The following ID2 variants were observed in gnomAD, a reference collection of about 807,000 sequenced individuals.
The protein encoded by ID2 is DNA-binding protein inhibitor ID-2.
ID2 carries 2 observed loss-of-function variants against 8.3 expected under a neutral mutation model. The ratio of observed to expected loss-of-function variants is 0.24; its 90% CI spans 0.10 to 0.76. The LOEUF is 0.76. ID2 is among the 30% of genes least tolerant of loss of function. The pLI, the probability that ID2 is intolerant of heterozygous loss-of-function variation, is 0.73. For synonymous variants in ID2, 112 were observed against 72.3 expected (o/e 1.55, Z -2.79); for missense variants, 155 against 167.0 (o/e 0.93, Z 0.40).
chr2:8,682,138 C>A lies in ID2; in HGVS notation c.-28C>A. 1 of 1,587,206 alleles carries A rather than the reference C, an allele frequency of 6.3e-7. No homozygotes were observed. Among genetic ancestry groups the A allele is most frequent in the South Asian group, 1.1e-5 (1 of 90,346 alleles). On this transcript the variant is annotated 5_prime_UTR_variant, in exon 1 of 3. Coordinates refer to ENST00000396290, the MANE Select transcript of ID2 (RefSeq NM_002166.5). ...TGAGCTTCAGGGCAGCCAGCTCCCTCCCGGTCTCGCCTTCCCTCGCGGTCA... is the reference window on the plus strand; with the variant it reads ...TGAGCTTCAGGGCAGCCAGCTCCCTACCGGTCTCGCCTTCCCTCGCGGTCA...
Position 8,684,372 on chromosome 2 carries a change from A to G in ID2, c.*695A>G, listed in dbSNP as rs980932018. On this transcript the variant is annotated 3_prime_UTR_variant, in exon 3 of 3. Transcript: ENST00000396290. ...CCAGTGCTTTGATTTTTATTATGCT[A>G]TGTTATAACTGAACCCAAATAAATA... 1.3e-5 allele frequency: 2 copies of G among 152,480 alleles called. No individual in the cohort carries two copies. Among genetic ancestry groups the G allele is most frequent in the African/African-American group, 2.4e-5 (1 of 41,408 alleles). 9.4% of individuals were successfully genotyped at this position (152,480 alleles called of 1,614,324 possible).
In ID2 at chr2:8,683,761, T is replaced by C. The variant is rs1428490384; in HGVS notation, c.*84T>C. On this transcript the variant is annotated 3_prime_UTR_variant, in exon 3 of 3. Transcript: ENST00000396290. ...CGGAATCTTTTAAGTGCTGAACTTATTTTTCAACCATTTCACAAGGAGGAC... is the reference window on the plus strand; with the variant it reads ...CGGAATCTTTTAAGTGCTGAACTTACTTTTCAACCATTTCACAAGGAGGAC... 2 of 152,542 alleles carry C rather than the reference T, an allele frequency of 1.3e-5. No homozygotes were observed. The highest frequency in any genetic ancestry group is 6.5e-5 in the Admixed American group (1 of 15,282). The allele number at this position is 152,542 out of a possible 1,614,324, so 9.4% of individuals were successfully genotyped here. A position where few individuals can be genotyped will look rare whatever the true frequency, so the allele number is the denominator to read the frequency against.
In ID2 at chr2:8,682,408, G is replaced by T; in HGVS notation, c.243G>T (p.Ser81=). 6.2e-7 allele frequency: 1 copy of T among 1,613,808 alleles called. No homozygotes were observed. The part of the protein sequence containing the change: ...YILDLQIALD[S]HPTIVSLHHQ... ...TGGACCTGCAGATCGCCCTGGACTC[G>T]CATCCCACTATTGTCAGCCTGCATC... The change falls in exon 1 of 3, where the codon TCG becomes TCT. Residue 81 remains serine (S), a synonymous_variant. Transcript: ENST00000396290.
rs1485444558 is a variant in ID2, at chr2:8,684,141, T to C, written c.*464T>C. 1.3e-5 allele frequency: 2 copies of C among 151,694 alleles called. No individual in the cohort carries two copies. The highest frequency in any genetic ancestry group is 2.4e-5 in the African/African-American group (1 of 40,948). 9.4% of individuals were successfully genotyped at this position (151,694 alleles called of 1,614,324 possible). A position where few individuals can be genotyped will look rare whatever the true frequency, so the allele number is the denominator to read the frequency against. ...CTGTGTATATATTTATATATAAATA[T>C]ATCTATTTGAGTGAAACCTTGTGAA... On this transcript the variant is annotated 3_prime_UTR_variant, in exon 3 of 3. Transcript: ENST00000396290.
rs753732409 is a variant in ID2 at position 8,682,831 on chromosome 2, CTT to C, written c.349-10_349-9del. The C allele has an allele frequency of 1.6e-5, 26 of 1,590,704 alleles. No homozygotes were observed. Among genetic ancestry groups the C allele is most frequent in the Non-Finnish European group, 2.1e-5 (24 of 1,160,032 alleles). On this transcript the variant is annotated splice_polypyrimidine_tract_variant and intron_variant, in intron 1 of 2. Transcript: ENST00000396290. ...GTCTTAACCTCGTACTCTTTATCCTCTTTCTTTCCAGGCTTCTGAATTCCCTT... is the reference window on the plus strand; with the variant it reads ...GTCTTAACCTCGTACTCTTTATCCTCTCTTTCCAGGCTTCTGAATTCCCTT...
Position 8,682,087 on chromosome 2 carries a change from T to G in ID2, c.-79T>G. 1.7e-6 allele frequency: 2 copies of G among 1,182,722 alleles called. No homozygotes were observed. Among genetic ancestry groups the G allele is most frequent in the Non-Finnish European group, 2.4e-6 (2 of 820,842 alleles). The allele number at this position is 1,182,722 out of a possible 1,614,324, so 73.3% of individuals were successfully genotyped here. A position where few individuals can be genotyped will look rare whatever the true frequency, so the allele number is the denominator to read the frequency against. On this transcript the variant is annotated 5_prime_UTR_variant, in exon 1 of 3. Transcript: ENST00000396290. ...AGCCGAGCCCGGTGCCAAGCGCAGC[T>G]AGCTCAGCAGGCGGCAGCGGCGGCC...
chr2:8,683,794 A>T lies in ID2; in HGVS notation c.*117A>T, dbSNP rs1019395591. ...CCATTTCACAAGGAGGACAAGTTGA[A>T]TGGACCTTTTTAAAAAGAAAAAAAA... On this transcript the variant is annotated 3_prime_UTR_variant, in exon 3 of 3. Transcript: ENST00000396290. 4.0e-5 allele frequency: 6 copies of T among 151,346 alleles called. No individual in the cohort carries two copies. The highest frequency in any genetic ancestry group is 1.5e-4 in the African/African-American group (6 of 40,560). 9.4% of individuals were successfully genotyped at this position (151,346 alleles called of 1,614,324 possible).
rs762712584 is a variant in ID2 at position 8,682,294 on chromosome 2, C to T, written c.129C>T (p.Tyr43=). The T allele has an allele frequency of 4.3e-6, 7 of 1,614,062 alleles. No individual in the cohort carries two copies. Among genetic ancestry groups the T allele is most frequent in the East Asian group, 4.5e-5 (2 of 44,890 alleles). The change falls in exon 1 of 3, where the codon TAC becomes TAT. Residue 43 remains tyrosine (Y), a synonymous_variant. Transcript: ENST00000396290. ...MSLLYNMNDC[Y]SKLKELVPSI... is the part of the protein sequence containing the mutation. ...TGCTATACAACATGAACGACTGCTA[C>T]TCCAAGCTCAAGGAGCTGGTGCCCA...
At chr2:8,682,682 C>T (rs1662115043) in intron 1 of ID2, 161 bp from the exon 2 acceptor site, 1 of 723,178 alleles carries the variant, frequency 1.4e-6, no homozygotes, top group Non-Finnish European at 2.3e-6. Flanking sequence ...CTAGTAAGTT[C>T]TGACATGTTA....
rs748588572 is a variant in ID2 at position 8,682,141 on chromosome 2, G to A, written c.-25G>A. On this transcript the variant is annotated 5_prime_UTR_variant, in exon 1 of 3. Coordinates refer to ENST00000396290, the MANE Select transcript of ID2 (RefSeq NM_002166.5). ...GCTTCAGGGCAGCCAGCTCCCTCCC[G>A]GTCTCGCCTTCCCTCGCGGTCAGCA... 10 of 1,593,322 alleles carry A rather than the reference G, an allele frequency of 6.3e-6. No individual in the cohort carries two copies. The highest frequency in any genetic ancestry group is 4.3e-6 in the Non-Finnish European group (5 of 1,165,350).
chr2:8,683,066 G>A (rs1398756344), intron 2 of ID2, 160 bp downstream of exon 2: 7 of 646,704 alleles, frequency 1.1e-5, no homozygotes, highest in Middle Eastern at 2.7e-4. Flanking sequence ...TAGACATGAA[G>A]GAGCTTGTAG....
Position 8,682,393 on chromosome 2 carries a change from G to A in ID2, c.228G>A (p.Gln76=), listed in dbSNP as rs1298090302. Residue 76 remains glutamine (Q), a synonymous_variant, in exon 1 of 3, where the codon CAG becomes CAA. Transcript: ENST00000396290. ...QHVIDYILDL[Q]IALDSHPTIV... is the part of the protein sequence containing the mutation. ...TCATCGACTACATCTTGGACCTGCA[G>A]ATCGCCCTGGACTCGCATCCCACTA... 7.4e-6 allele frequency: 12 copies of A among 1,613,792 alleles called. No homozygotes were observed. Among genetic ancestry groups the A allele is most frequent in the Non-Finnish European group, 1.0e-5 (12 of 1,180,040 alleles).
At chr2:8,682,990 TATAAA>T (rs1662130850) in intron 2 of ID2, 84 bp downstream of exon 2, 1 of 997,510 alleles carries the variant, frequency 1.0e-6, no homozygotes, top group Non-Finnish European at 1.6e-6. Flanking sequence ...CTTGTGTATC[TATAAA>T]ATGTCTGATT....
At position 8,682,348 on chromosome 2, in the gene ID2, G is replaced by A; in HGVS notation, c.183G>A (p.Lys61=). ...TCCCCCAGAACAAGAAGGTGAGCAAGATGGAAATCCTGCAGCACGTCATCG... is the reference window on the plus strand; with the variant it reads ...TCCCCCAGAACAAGAAGGTGAGCAAAATGGAAATCCTGCAGCACGTCATCG... ...PSIPQNKKVS[K]MEILQHVIDY... is the part of the protein sequence containing the mutation. The change falls in exon 1 of 3, where the codon AAG becomes AAA. Residue 61 remains lysine (K), a synonymous_variant. Coordinates refer to ENST00000396290, the MANE Select transcript of ID2 (RefSeq NM_002166.5). The A allele has an allele frequency of 1.9e-6, 3 of 1,614,064 alleles. No homozygotes were observed. The highest frequency in any genetic ancestry group is 2.5e-6 in the Non-Finnish European group (3 of 1,180,020).
Position 8,682,905 on chromosome 2 carries a change from C to T in ID2, c.*6C>T, listed in dbSNP as rs777266112. ...GCAAAGCACTGTGTGGCTGAATAAG[C>T]GGTGAGTGTTTGCTTGTGCCACCCG... On this transcript the variant is annotated splice_region_variant and 3_prime_UTR_variant, in exon 2 of 3. Transcript: ENST00000396290. 2.8e-5 allele frequency: 45 copies of T among 1,612,882 alleles called. No individual in the cohort carries two copies. The highest frequency in any genetic ancestry group is 1.6e-4 in the Middle Eastern group (1 of 6,080).
chr2:8,682,817 G>A (rs751306378), intron 1 of ID2, 26 bp from the exon 2 acceptor site: 5 of 1,509,134 alleles, frequency 3.3e-6, no homozygotes, highest in Admixed American at 1.7e-5. Flanking sequence ...TCTTAACCTC[G>A]TACTCTTTAT....
In ID2 at chr2:8,684,277, CT is replaced by C. The variant is rs1174517396; in HGVS notation, c.*602del. The C allele has an allele frequency of 6.6e-6, 1 of 152,390 alleles. No homozygotes were observed. The highest frequency in any genetic ancestry group is 1.5e-5 in the Non-Finnish European group (1 of 68,016). The allele number at this position is 152,390 out of a possible 1,614,324, so 9.4% of individuals were successfully genotyped here. A position where few individuals can be genotyped will look rare whatever the true frequency, so the allele number is the denominator to read the frequency against. On this transcript the variant is annotated 3_prime_UTR_variant, in exon 3 of 3. Coordinates refer to ENST00000396290, the MANE Select transcript of ID2 (RefSeq NM_002166.5). ...CTTTTTATAAAAGTTTAGTTGTAAA[CT>C]TAACCCTTTTATACAAAATAAATCA...
intron 1 of ID2, 71 bp from the exon 2 acceptor site, chr2:8,682,772 A>G (rs946734479): frequency 9.1e-7 from 1 of 1,103,288 alleles, no homozygotes; most frequent in Admixed American, 2.1e-5. Context: ...CAAAAAAAAA[A>G]AAAAAAAAAA....
At position 8,683,835 on chromosome 2, in the gene ID2, A is replaced by G. The variant is rs1662164035; in HGVS notation, c.*158A>G. 6.5e-6 allele frequency: 1 copy of G among 152,710 alleles called. No homozygotes were observed. The highest frequency in any genetic ancestry group is 1.9e-4 in the East Asian group (1 of 5,194). 9.5% of individuals were successfully genotyped at this position (152,710 alleles called of 1,614,324 possible). A position where few individuals can be genotyped will look rare whatever the true frequency, so the allele number is the denominator to read the frequency against. On this transcript the variant is annotated 3_prime_UTR_variant, in exon 3 of 3. Coordinates refer to ENST00000396290, the MANE Select transcript of ID2 (RefSeq NM_002166.5). ...AGAAAAAAAAAATGGAAGGAAAACT[A>G]AGAATGATCATCTTCCCAGGGTGTT...
Sources: gnomAD v4.1 joint callset for allele counts on GRCh38, gnomAD v4.1.1 for gene constraint, MANE v1.5 for transcripts, NCBI Gene and HGNC (gene_info 2026-07-23, HGNC 2026-07-21) for gene names.